Variants in PANK2 observed in about 807,000 individuals in gnomAD.
The protein encoded by PANK2 is pantothenate kinase 2.
Under a neutral mutation model 43.1 loss-of-function variants are expected in PANK2, and 36 were observed. The ratio of observed to expected loss-of-function variants is 0.84; its 90% CI spans 0.64 to 1.10. The LOEUF is 1.10. Among genes scored for constraint, PANK2 ranks in the 50% least tolerant of loss-of-function variants. The pLI is 0.00. For synonymous variants in PANK2, 281 were observed against 238.2 expected (o/e 1.18, Z -1.66); for missense variants, 576 against 593.3 (o/e 0.97, Z 0.30).
chr20:3,920,660 C>T (rs1285663338), intron 6 of PANK2, among the ~76,000 whole-genome samples: 1 of 152,152 alleles, frequency 6.6e-6, no homozygotes. Flanking sequence ...GCCTGACCAA[C>T]ATGGAGAAGC....
chr20:3,918,034 G>C (rs2090589830), intron 5 of PANK2, among the ~76,000 whole-genome samples: 2 of 152,138 alleles, frequency 1.3e-5, no homozygotes. Context: ...TTATTCTTTG[G>C]TTGAATTTTA....
chr20:3,889,092 AG>A, upstream of PANK2: 2 of 1,531,644 alleles, frequency 1.3e-6, no homozygotes, highest in Non-Finnish European at 8.8e-7. Context: ...GGGCGGAAGG[AG>A]GGGGTGGATG....
chr20:3,917,011 CA>C lies in PANK2; in HGVS notation c.1169del (p.Asn390ThrfsTer5). On this transcript the variant is annotated frameshift_variant, in exon 5 of 7. Coordinates refer to ENST00000610179, the MANE Select transcript of PANK2 (RefSeq NM_001386393.1). LOFTEE classifies it high-confidence loss of function. ...GAGCGACTTTGATCACCATCACCAA[CA>C]ACATTGGCTCAATAGCAAGAATGTG... 6.2e-7 allele frequency: 1 copy of C among 1,613,990 alleles called. No homozygotes were observed. Among genetic ancestry groups the C allele is most frequent in the Non-Finnish European group, 8.5e-7 (1 of 1,179,972 alleles).
chr20:3,905,350 C>CTTTTTTT (rs34914526), intron 1 of PANK2, among the ~76,000 whole-genome samples: 1 of 134,400 alleles, frequency 7.4e-6, no homozygotes, highest in African/African-American at 2.8e-5. Flanking sequence ...GCTGCTATCT[C>CTTTTTTT]TTTTTTTTTT....
chr20:3,913,597 A>G lies in PANK2; in HGVS notation c.1082+963A>G, dbSNP rs6116092. On this transcript the variant is annotated intron_variant, in intron 4 of 6. Coordinates refer to ENST00000610179, the MANE Select transcript of PANK2 (RefSeq NM_001386393.1). Reference sequence around the variant, plus strand: ...GTGATCTGCCGCCTCAGCCTCCCAAAGTGCTAGGATTACAGGTGTGAGCCA... The same window carrying G: ...GTGATCTGCCGCCTCAGCCTCCCAAGGTGCTAGGATTACAGGTGTGAGCCA... Among the ~76,000 whole-genome samples, 1,350 of 152,062 alleles carry G rather than the reference A, an allele frequency of 8.9e-3. 18 individuals carry two copies. The highest frequency in any genetic ancestry group is 0.031 in the African/African-American group (1,287 of 41,466).
chr20:3,892,619 T>C (rs1369623526), intron 1 of PANK2, among the ~76,000 whole-genome samples: 1 of 136,556 alleles, frequency 7.3e-6, no homozygotes, highest in Non-Finnish European at 1.5e-5. Context: ...GAGGTTGCAG[T>C]GATCGAAGAT....
chr20:3,916,503 C>T (rs1210182564), intron 4 of PANK2, among the ~76,000 whole-genome samples: 1 of 152,186 alleles, frequency 6.6e-6, no homozygotes, highest in African/African-American at 2.4e-5. Flanking sequence ...ACTCAGCTGT[C>T]TGTGCTTTAC....
At chr20:3,892,547 C>T (rs559031030) in intron 1 of PANK2, among the ~76,000 whole-genome samples, 5 of 151,692 alleles carry the variant, frequency 3.3e-5, no homozygotes, top group Admixed American at 3.3e-4. Context: ...TGTGGTGACG[C>T]GTGCCCGTAG....
chr20:3,890,136 C>G (rs140312489), intron 1 of PANK2, among the ~76,000 whole-genome samples: 1 of 152,194 alleles, frequency 6.6e-6, no homozygotes, highest in Non-Finnish European at 1.5e-5. Flanking sequence ...GAGCTGCTCT[C>G]TAATACTTTA....
At chr20:3,920,669 G>A (rs1349398765) in intron 6 of PANK2, among the ~76,000 whole-genome samples, 3 of 151,984 alleles carry the variant, frequency 2.0e-5, no homozygotes, top group African/African-American at 4.8e-5. Context: ...ACATGGAGAA[G>A]CCCTGTCTCT....
intron 1 of PANK2, among the ~76,000 whole-genome samples, chr20:3,890,650 T>C (rs1467486057): frequency 6.6e-6 from 1 of 152,198 alleles, no homozygotes; most frequent in African/African-American, 2.4e-5. Context: ...GGAAATTGAC[T>C]TGTTTAAATG....
Position 3,923,382 on chromosome 20 carries a change from T to C in PANK2, c.*88T>C. ...TAAGAGACTTACTCAATTTCATGAC[T>C]GTACTACCTGAAACAAAGTGAGAAA... On this transcript the variant is annotated 3_prime_UTR_variant, in exon 7 of 7. Coordinates refer to ENST00000610179, the MANE Select transcript of PANK2 (RefSeq NM_001386393.1). 1 of 1,328,626 alleles carries C rather than the reference T, an allele frequency of 7.5e-7. No homozygotes were observed. Among genetic ancestry groups the C allele is most frequent in the Admixed American group, 1.7e-5 (1 of 58,810 alleles). 82.3% of individuals were successfully genotyped at this position (1,328,626 alleles called of 1,614,324 possible).
intron 4 of PANK2, among the ~76,000 whole-genome samples, chr20:3,915,983 G>T (rs1323190264): frequency 2.0e-5 from 3 of 152,174 alleles, no homozygotes; most frequent in African/African-American, 7.2e-5. Context: ...GAATTGTAGG[G>T]TTAACTTGGC....
chr20:3,907,588 A>C (rs2090407195), intron 1 of PANK2, among the ~76,000 whole-genome samples: 1 of 152,086 alleles, frequency 6.6e-6, no homozygotes, highest in African/African-American at 2.4e-5. Context: ...TAGGAAAGAG[A>C]GATTTTCATT....
upstream of PANK2, chr20:3,888,940 ACCAGCGGCCAGACGC>A: frequency 1.7e-6 from 1 of 596,312 alleles, no homozygotes; most frequent in Non-Finnish European, 2.9e-6. Context: ...TCTGCCGACG[ACCAGCGGCCAGACGC>A]TGCGGGAGCA....
chr20:3,918,523 T>C, intron 5 of PANK2, 148 bp from the exon 6 acceptor site: 1 of 1,052,014 alleles, frequency 9.5e-7, no homozygotes, highest in Non-Finnish European at 1.4e-6. Flanking sequence ...GGGGATCAAG[T>C]TTAAGTAGCC....
chr20:3,910,512 T>C (rs2090451927), intron 2 of PANK2, 65 bp from the exon 3 acceptor site: 8 of 1,579,610 alleles, frequency 5.1e-6, no homozygotes, highest in African/African-American at 1.3e-5. Flanking sequence ...GGATGCCTTA[T>C]TGAATGGAAT....
In PANK2 at chr20:3,923,240, T is replaced by G; in HGVS notation, c.1333-4T>G. 1.2e-6 allele frequency: 2 copies of G among 1,614,180 alleles called. No homozygotes were observed. The highest frequency in any genetic ancestry group is 1.7e-6 in the Non-Finnish European group (2 of 1,180,006). ...GCACTTATTTTTGGTGTATTTTCTT[T>G]CAGGGTTATTTTGGAGCTGTTGGAG... On this transcript the variant is annotated splice_region_variant and splice_polypyrimidine_tract_variant and intron_variant, in intron 6 of 6. Transcript: ENST00000610179.
intron 1 of PANK2, among the ~76,000 whole-genome samples, chr20:3,897,631 G>A (rs566736151): frequency 5.9e-5 from 9 of 152,112 alleles, no homozygotes; most frequent in East Asian, 1.9e-4. Context: ...GGTTGAGGCT[G>A]CAGTGAGCCT....
Sources: allele counts gnomAD v4.1 joint callset (sites outside exome capture counted in the v4.1 genomes callset), GRCh38; gene constraint gnomAD v4.1.1; transcripts MANE v1.5; gene names NCBI Gene and HGNC (gene_info 2026-07-23, HGNC 2026-07-21).